The following SLC25A27 variants were observed in gnomAD, a reference collection of about 807,000 sequenced individuals.
The protein encoded by SLC25A27 is solute carrier family 25 member 27.
SLC25A27 carries 35 observed loss-of-function variants against 49.1 expected under a neutral mutation model. The ratio of observed to expected loss-of-function variants is 0.71; its 90% CI spans 0.54 to 0.95. The LOEUF (loss-of-function observed/expected upper bound fraction) is 0.95, where lower values mean the gene tolerates loss of function less well. SLC25A27 is among the 40% of genes least tolerant of loss of function. The probability of loss-of-function intolerance (pLI) is 0.00; values close to 1 mark genes in which losing one functional copy is unlikely to be tolerated. For missense variants in SLC25A27, 339 were observed against 397.1 expected, an observed-to-expected ratio of 0.85 and a Z score of 1.24; for synonymous variants, 144 against 136.9, an observed-to-expected ratio of 1.05 and a Z score of -0.36.
At chr6:46,662,276 T>G (rs1483345079) in intron 3 of SLC25A27, 100 bp from the exon 4 acceptor site, 4 of 1,023,118 alleles carry the variant, frequency 3.9e-6, no homozygotes, top group Non-Finnish European at 4.4e-6. Flanking sequence ...TTACTTGATC[T>G]GAAATCTCTT....
At chr6:46,654,170 C>T (rs1762883830) in intron 1 of SLC25A27, 5 of 972,938 alleles carry the variant, frequency 5.1e-6, no homozygotes, top group Non-Finnish European at 4.9e-6. Context: ...TCCTGTGAAG[C>T]CTTAACTGTG....
chr6:46,676,712 G>A lies in SLC25A27; in HGVS notation c.*258G>A, dbSNP rs1234841052. On this transcript the variant is annotated 3_prime_UTR_variant, in exon 9 of 9. Coordinates refer to ENST00000371347, the MANE Select transcript of SLC25A27 (RefSeq NM_004277.5). ...GCACAGCATTTTCTAAAGAAGAATCGAAGCCTGACCACTTTCACCTTGGGC... is the reference window on the plus strand; with the variant it reads ...GCACAGCATTTTCTAAAGAAGAATCAAAGCCTGACCACTTTCACCTTGGGC... 1.9e-6 allele frequency: 3 copies of A among 1,546,396 alleles called. No individual in the cohort carries two copies. The highest frequency in any genetic ancestry group is 2.6e-6 in the Non-Finnish European group (3 of 1,143,330).
intron 8 of SLC25A27, 53 bp from the exon 9 acceptor site, chr6:46,676,330 A>G (rs1724841848): frequency 6.6e-7 from 1 of 1,526,096 alleles, no homozygotes; most frequent in Non-Finnish European, 9.1e-7. Context: ...ACATATGTAG[A>G]CTATTTATAA....
At chr6:46,671,281 T>C in intron 8 of SLC25A27, 53 bp downstream of exon 8, 2 of 1,059,688 alleles carry the variant, frequency 1.9e-6, no homozygotes, top group Admixed American at 2.5e-5. Context: ...AAATTACTTT[T>C]AATTTATAAG....
intron 5 of SLC25A27, among the ~76,000 whole-genome samples, chr6:46,666,802 C>A (rs1418337332): frequency 6.6e-6 from 1 of 151,952 alleles, no homozygotes; most frequent in Non-Finnish European, 1.5e-5. Context: ...TTCATAATTT[C>A]AAAAATATAT....
rs1368611012 is a variant in SLC25A27, at chr6:46,664,757, A to C, written c.507-17A>C. On this transcript the variant is annotated splice_polypyrimidine_tract_variant and intron_variant, in intron 4 of 8. Coordinates refer to ENST00000371347, the MANE Select transcript of SLC25A27 (RefSeq NM_004277.5). ...GGAATACATGGAGTTTTCACATTTA[A>C]TTATTATTCTCCTTAGATTTCGTGG... 1 of 1,449,376 alleles carries C rather than the reference A, an allele frequency of 6.9e-7. No individual in the cohort carries two copies. The highest frequency in any genetic ancestry group is 9.6e-7 in the Non-Finnish European group (1 of 1,046,990). The allele number at this position is 1,449,376 out of a possible 1,614,324, so 89.8% of individuals were successfully genotyped here.
In SLC25A27 at chr6:46,677,746, GC is replaced by G. The variant is rs1262954581; in HGVS notation, c.*1295del. ...ACACAGAAAAACATGAAAAGCTCAG[GC>G]CCAAGAAAGGCCTTGGAGCCAGCCA... On this transcript the variant is annotated 3_prime_UTR_variant, in exon 9 of 9. Transcript: ENST00000371347. The G allele has an allele frequency of 1.3e-5, 2 of 152,286 alleles. No individual in the cohort carries two copies. The highest frequency in any genetic ancestry group is 2.9e-5 in the Non-Finnish European group (2 of 68,004). The allele number at this position is 152,286 out of a possible 1,614,324, so 9.4% of individuals were successfully genotyped here. A position where few individuals can be genotyped will look rare whatever the true frequency, so the allele number is the denominator to read the frequency against.
intron 3 of SLC25A27, among the ~76,000 whole-genome samples, chr6:46,659,896 TAATTATATATATAA>T (rs1763109467): frequency 6.7e-6 from 1 of 149,446 alleles, no homozygotes; most frequent in Non-Finnish European, 1.5e-5. Context: ...TATATATATA[TAATTATATATATAA>T]AATTATATAA....
In SLC25A27 at chr6:46,676,809, C is replaced by T; in HGVS notation, c.*355C>T. On this transcript the variant is annotated 3_prime_UTR_variant, in exon 9 of 9. Transcript: ENST00000371347. ...TTAGAGGAGGAGTACCAGGAGGGAG[C>T]CAGCATTTCAGATCTGAAGTAGACG... 1 of 824,938 alleles carries T rather than the reference C, an allele frequency of 1.2e-6. No homozygotes were observed. Among genetic ancestry groups the T allele is most frequent in the Non-Finnish European group, 2.0e-6 (1 of 500,154 alleles). The allele number at this position is 824,938 out of a possible 1,614,324, so 51.1% of individuals were successfully genotyped here.
At chr6:46,653,376 C>T (rs1311172869) in intron 1 of SLC25A27, 78 bp downstream of exon 1, 5 of 1,493,466 alleles carry the variant, frequency 3.3e-6, no homozygotes, top group Non-Finnish European at 3.5e-6. Flanking sequence ...GGCGGCTTCG[C>T]GCCCGGCAGT....
chr6:46,656,800 G>C (rs9369629), intron 2 of SLC25A27, among the ~76,000 whole-genome samples: 7,433 of 152,208 alleles, frequency 0.049, 423 homozygotes, highest in South Asian at 0.18. Flanking sequence ...TTTTAGAAAC[G>C]CATACTCACG....
At chr6:46,660,117 C>A (rs763186860) in intron 3 of SLC25A27, among the ~76,000 whole-genome samples, 1 of 152,004 alleles carries the variant, frequency 6.6e-6, no homozygotes, top group Non-Finnish European at 1.5e-5. Flanking sequence ...CAATATCTGG[C>A]CTGTGTCTTC....
At chr6:46,657,498 T>C (rs954797532) in intron 2 of SLC25A27, among the ~76,000 whole-genome samples, 7 of 151,952 alleles carry the variant, frequency 4.6e-5, no homozygotes, top group Non-Finnish European at 1.5e-5. Flanking sequence ...ATTTAAAAAG[T>C]TAGAAAATTA....
intron 1 of SLC25A27, chr6:46,653,873 G>T: frequency 1.0e-6 from 1 of 983,694 alleles, no homozygotes; most frequent in Non-Finnish European, 1.2e-6. Context: ...CATTAGTTGC[G>T]ACATTTTTAT....
At chr6:46,671,079 A>AT (rs1273484428) in intron 7 of SLC25A27, 47 bp from the exon 8 acceptor site, 5 of 1,286,962 alleles carry the variant, frequency 3.9e-6, no homozygotes, top group South Asian at 1.3e-5. Context: ...GTACATATAT[A>AT]TTTTTTTACA....
intron 4 of SLC25A27, among the ~76,000 whole-genome samples, chr6:46,663,738 T>TC (rs11381911): frequency 0.85 from 130,051 of 152,156 alleles, 56,015 homozygotes; most frequent in African/African-American, 0.96. Context: ...AGGGGACAAG[T>TC]TATATACTAC....
rs773585919 is a variant in SLC25A27 at position 46,655,535 on chromosome 6, G to GTTTTTTTTTTTTTTTTTTTTTTTTTT, written c.107-295_107-270dup. 7.5e-4 allele frequency among the ~76,000 whole-genome samples: 8 copies of GTTTTTTTTTTTTTTTTTTTTTTTTTT among 10,700 alleles called. 2 individuals are homozygous for GTTTTTTTTTTTTTTTTTTTTTTTTTT. Among genetic ancestry groups the GTTTTTTTTTTTTTTTTTTTTTTTTTT allele is most frequent in the Non-Finnish European group, 8.1e-4 (4 of 4,942 alleles). The allele number at this position is 10,700 out of a possible 152,430, so 7.0% of individuals were successfully genotyped here. A position where few individuals can be genotyped will look rare whatever the true frequency, so the allele number is the denominator to read the frequency against. ...ATTTTAATTTTTATTGTTAATGTTT[G>GTTTTTTTTTTTTTTTTTTTTTTTTTT]TTTTTTTTTTTTTTTTTTTTTTTTT... is the stretch of plus-strand genomic sequence containing the variant. On this transcript the variant is annotated intron_variant, in intron 1 of 8. Coordinates refer to ENST00000371347, the MANE Select transcript of SLC25A27 (RefSeq NM_004277.5).
At chr6:46,657,733 A>G (rs1763034480) in intron 2 of SLC25A27, among the ~76,000 whole-genome samples, 1 of 152,234 alleles carries the variant, frequency 6.6e-6, no homozygotes, top group African/African-American at 2.4e-5. Context: ...TATTTATTAC[A>G]GTGCCAAATC....
Position 46,653,212 on chromosome 6 carries a change from A to G in SLC25A27, c.20A>G (p.Glu7Gly), listed in dbSNP as rs759094495. MSVPEE[E>G]ERLLPLTQRW... Reference sequence around the variant, plus strand: ...TGCTGAATGTCCGTCCCGGAGGAGGAGGAGAGGCTTTTGCCGCTGACCCAG... The same window carrying G: ...TGCTGAATGTCCGTCCCGGAGGAGGGGGAGAGGCTTTTGCCGCTGACCCAG... Residue 7 changes from glutamate (E) to glycine (G), a missense_variant, in exon 1 of 9, where the codon GAG becomes GGG. Coordinates refer to ENST00000371347, the MANE Select transcript of SLC25A27 (RefSeq NM_004277.5). 3 of 1,613,464 alleles carry G rather than the reference A, an allele frequency of 1.9e-6. No homozygotes were observed. The highest frequency in any genetic ancestry group is 1.1e-5 in the South Asian group (1 of 91,038).
Sources: allele counts gnomAD v4.1 joint callset (sites outside exome capture counted in the v4.1 genomes callset), GRCh38; gene constraint gnomAD v4.1.1; transcripts MANE v1.5; gene names NCBI Gene and HGNC (gene_info 2026-07-23, HGNC 2026-07-21).